The following DAB1 variants were observed in gnomAD, a reference collection of about 807,000 sequenced individuals.
DAB1 encodes the protein disabled homolog 1.
In DAB1, 15 loss-of-function variants were observed where a neutral mutation model predicts 64.6. That is an observed-to-expected ratio of 0.23 (90% CI 0.16 to 0.36). The LOEUF (loss-of-function observed/expected upper bound fraction) is 0.36. DAB1 is among the 10% of genes least tolerant of loss of function. DAB1 has a pLI of 1.00. For missense variants in DAB1, 596 were observed against 706.7 expected (o/e 0.84, Z 1.78); for synonymous variants, 235 against 251.9 (o/e 0.93, Z 0.64).
At chr1:58,352,134 T>G (rs1335956009) in intron 3 of DAB1, among the ~76,000 whole-genome samples, 1 of 151,888 alleles carries the variant, frequency 6.6e-6, no homozygotes, top group East Asian at 1.9e-4. Flanking sequence ...TTGGCCTGAC[T>G]TGCATATGTA....
At chr1:58,148,736 G>C (rs1220701582) in intron 5 of DAB1, among the ~76,000 whole-genome samples, 1 of 151,578 alleles carries the variant, frequency 6.6e-6, no homozygotes, top group Non-Finnish European at 1.5e-5. Flanking sequence ...CGGATCTCTC[G>C]AGACTTTTTC....
intron 2 of DAB1, among the ~76,000 whole-genome samples, chr1:58,510,009 A>C (rs1646049328): frequency 1.3e-5 from 2 of 152,142 alleles, no homozygotes; most frequent in African/African-American, 4.8e-5. Flanking sequence ...CCTCCCAACA[A>C]AGAAAAGCCC....
intron 5 of DAB1, among the ~76,000 whole-genome samples, chr1:58,126,120 A>G (rs1653060949): frequency 6.6e-6 from 1 of 152,200 alleles, no homozygotes; most frequent in East Asian, 1.9e-4. Context: ...GTCCTAGAAT[A>G]AAATCAGTCT....
chr1:58,337,115 C>T (rs2100501028), intron 4 of DAB1, among the ~76,000 whole-genome samples: 1 of 152,012 alleles, frequency 6.6e-6, no homozygotes, highest in South Asian at 2.1e-4. Context: ...AACCCCATCT[C>T]TACTAAAAAT....
chr1:57,811,088 A>T (rs1265047566), intron 6 of DAB1, among the ~76,000 whole-genome samples: 1 of 152,218 alleles, frequency 6.6e-6, no homozygotes, highest in Non-Finnish European at 1.5e-5. Context: ...ATTTGTAAGT[A>T]CATTTGCTTT....
chr1:58,515,292 T>C (rs1646142260), intron 2 of DAB1, among the ~76,000 whole-genome samples: 1 of 152,200 alleles, frequency 6.6e-6, no homozygotes, highest in South Asian at 2.1e-4. Flanking sequence ...AGAGAAAACT[T>C]ATCAAAAATA....
At chr1:57,473,950 A>T (rs1643900342) in intron 7 of DAB1, among the ~76,000 whole-genome samples, 1 of 152,226 alleles carries the variant, frequency 6.6e-6, no homozygotes, top group East Asian at 1.9e-4. Context: ...CAAGAAATGA[A>T]AATGTGTTAC....
chr1:57,552,169 C>G lies in DAB1; in HGVS notation n.625+97423G>C, dbSNP rs183590625. Among the ~76,000 whole-genome samples, 151 of 152,278 alleles carry G rather than the reference C, an allele frequency of 9.9e-4. 1 individual carries two copies. The highest frequency in any genetic ancestry group is 9.7e-3 in the Admixed American group (149 of 15,298). ...TGGGATCTTTCTCACAATTGGGACA[C>G]TCCAAAAGTAGGTTAGCTTCTTCAG... On this transcript the variant is annotated intron_variant and non_coding_transcript_variant, in intron 7 of 20. Coordinates refer to the DAB1 transcript ENST00000485760.
chr1:57,841,496 CCTGCAGCAGACTT>C (rs1260703781), intron 1 of DAB1, among the ~76,000 whole-genome samples: 2 of 152,236 alleles, frequency 1.3e-5, no homozygotes, highest in African/African-American at 4.8e-5. Flanking sequence ...GGGCTCCACC[CCTGCAGCAGACTT>C]CTGCCTGGAC....
At chr1:58,409,321 T>C (rs1328084922) in intron 3 of DAB1, among the ~76,000 whole-genome samples, 2 of 152,190 alleles carry the variant, frequency 1.3e-5, no homozygotes, top group East Asian at 3.9e-4. Flanking sequence ...TGAAGTGATA[T>C]GCACAAAGTA....
intron 7 of DAB1, among the ~76,000 whole-genome samples, chr1:57,569,011 C>A (rs571933511): frequency 6.6e-5 from 10 of 152,068 alleles, no homozygotes; most frequent in African/African-American, 2.4e-4. Context: ...GTAATCCCAG[C>A]ACTTTGGGAG....
chr1:57,861,366 G>A (rs1256500508), intron 1 of DAB1, among the ~76,000 whole-genome samples: 1 of 152,160 alleles, frequency 6.6e-6, no homozygotes, highest in Non-Finnish European at 1.5e-5. Flanking sequence ...TCTGATGAGG[G>A]CCCTCTTCTG....
chr1:57,244,634 AT>A (rs759754737), intron 2 of DAB1, among the ~76,000 whole-genome samples: 8 of 152,238 alleles, frequency 5.3e-5, no homozygotes, highest in Non-Finnish European at 1.2e-4. Context: ...TACTCTGCAA[AT>A]TAGGGAAACA....
At chr1:58,036,666 A>T (rs1365502067) in intron 5 of DAB1, among the ~76,000 whole-genome samples, 2 of 152,208 alleles carry the variant, frequency 1.3e-5, no homozygotes, top group East Asian at 3.8e-4. Flanking sequence ...ATGATAAAAC[A>T]GTCTATAAGT....
intron 3 of DAB1, among the ~76,000 whole-genome samples, chr1:58,442,568 A>C (rs1645023394): frequency 6.6e-6 from 1 of 152,216 alleles, no homozygotes. Context: ...AAATTCCAAA[A>C]AGACTTTTTT....
intron 5 of DAB1, among the ~76,000 whole-genome samples, chr1:58,021,305 C>T (rs931435707): frequency 3.3e-5 from 5 of 152,062 alleles, no homozygotes; most frequent in African/African-American, 7.2e-5. Context: ...TTAGTATGTG[C>T]CATCACTATT....
At chr1:57,325,761 T>C (rs1283882394) in intron 1 of DAB1, among the ~76,000 whole-genome samples, 1 of 152,120 alleles carries the variant, frequency 6.6e-6, no homozygotes, top group Non-Finnish European at 1.5e-5. Context: ...TCCATGAAGT[T>C]TAAAATGTTT....
At chr1:58,127,412 C>T (rs886895724) in intron 5 of DAB1, among the ~76,000 whole-genome samples, 1 of 151,150 alleles carries the variant, frequency 6.6e-6, no homozygotes, top group Non-Finnish European at 1.5e-5. Flanking sequence ...TGTAGGTTGC[C>T]TGTTCACTCT....
At chr1:57,861,522 A>G (rs1654033591) in intron 1 of DAB1, among the ~76,000 whole-genome samples, 1 of 152,138 alleles carries the variant, frequency 6.6e-6, no homozygotes, top group Non-Finnish European at 1.5e-5. Flanking sequence ...CAACATATGA[A>G]TTCTACAAGG....
Sources: allele counts gnomAD v4.1 joint callset (sites outside exome capture counted in the v4.1 genomes callset), GRCh38; gene constraint gnomAD v4.1.1; transcripts MANE v1.5; gene names NCBI Gene and HGNC (gene_info 2026-07-23, HGNC 2026-07-21).